SART3: variants seen among roughly 807,000 people sequenced by gnomAD.
The protein encoded by SART3 is spliceosome associated factor 3, U4/U6 recycling protein.
A neutral mutation model predicts 122.3 loss-of-function variants in SART3; 44 were observed. The observed-to-expected ratio is 0.36, with a 90% CI of 0.28 to 0.46. SART3 has a LOEUF of 0.46. Ranked by LOEUF, SART3 falls within the 20% of genes least tolerant of loss-of-function variation. SART3 has a pLI of 1.00. For synonymous variants in SART3, 442 were observed against 454.0 expected, an observed-to-expected ratio of 0.97 and a Z score of 0.34; for missense variants, 1,101 against 1,229.0, an observed-to-expected ratio of 0.90 and a Z score of 1.56.
In SART3 at chr12:108,526,471, G is replaced by C. The variant is rs370588996; in HGVS notation, c.1998C>G (p.Pro666=). ...CATCTACGGCAGCACATTTCCCAGC[G>C]GGCCCTGCTGCTACTTCTACATTTT... The part of the protein sequence containing the change: ...ETQNVEVAAG[P]AGKCAAVDVE... The change falls in exon 16 of 19, where the codon CCC becomes CCG. Residue 666 remains proline, a synonymous_variant. Transcript: ENST00000546815. The C allele has an allele frequency of 1.2e-6, 2 of 1,614,170 alleles. No individual in the cohort carries two copies. The highest frequency in any genetic ancestry group is 1.7e-4 in the Middle Eastern group (1 of 6,060).
At chr12:108,535,510 G>C (rs1872865726) in intron 11 of SART3, 42 bp from the exon 12 acceptor site, 3 of 1,481,746 alleles carry the variant, frequency 2.0e-6, no homozygotes, top group Non-Finnish European at 2.8e-6. Context: ...TGAACCTTAT[G>C]ACGTCGACAC....
chr12:108,530,377 G>T, intron 14 of SART3, 67 bp from the exon 15 acceptor site: 1 of 1,554,744 alleles, frequency 6.4e-7, no homozygotes, highest in Non-Finnish European at 8.8e-7. Flanking sequence ...GATTTGTCAT[G>T]AAAGGGGAGA....
At chr12:108,546,039 G>GAACAGAATAACAGTTTC (rs1873402025) in intron 3 of SART3, among the ~76,000 whole-genome samples, 1 of 149,406 alleles carries the variant, frequency 6.7e-6, no homozygotes, top group Non-Finnish European at 1.5e-5. Flanking sequence ...TCATTATTCA[G>GAACAGAATAACAGTTTC]ATTATAAACC....
intron 6 of SART3, among the ~76,000 whole-genome samples, chr12:108,540,486 A>G (rs1270341609): frequency 1.3e-5 from 2 of 152,314 alleles, no homozygotes; most frequent in East Asian, 3.9e-4. Flanking sequence ...AAGACAAGAT[A>G]TAAGTAGCAG....
chr12:108,525,695 A>G lies in SART3; in HGVS notation c.2371-86T>C. The G allele has an allele frequency of 8.6e-6, 12 of 1,397,462 alleles. No homozygotes were observed. In the South Asian group the frequency reaches 1.4e-4, roughly 16 times the overall value. The allele number at this position is 1,397,462 out of a possible 1,614,324, so 86.6% of individuals were successfully genotyped here. On this transcript the variant is annotated intron_variant, in intron 16 of 18. Coordinates refer to ENST00000546815, the MANE Select transcript of SART3 (RefSeq NM_014706.4). ...CTCCTCTGACACCAGCCTTGTCCCC[A>G]TGAGCAGCCCAGCCAGGCAGACTAG...
At chr12:108,556,424 G>C (rs2030222345) in intron 1 of SART3, among the ~76,000 whole-genome samples, 1 of 152,168 alleles carries the variant, frequency 6.6e-6, no homozygotes, top group African/African-American at 2.4e-5. Flanking sequence ...GATGTGAACT[G>C]CTTTGTATTT....
intron 12 of SART3, among the ~76,000 whole-genome samples, chr12:108,534,314 A>C (rs1872807660): frequency 6.6e-6 from 1 of 152,166 alleles, no homozygotes; most frequent in Non-Finnish European, 1.5e-5. Context: ...GAGACCAAAA[A>C]AATTGTGAAC....
In SART3 at chr12:108,535,394, G is replaced by C; in HGVS notation, c.1521C>G (p.Tyr507Ter). 6.2e-7 allele frequency: 1 copy of C among 1,613,964 alleles called. No individual in the cohort carries two copies. ...TGTAATACTCTAGCCACATGTTGGC[G>C]TACTTGGCATTTCCTCTGGTCATGA... ...DSIMTRGNAK[Y>*]ANMWLEYYNL... Residue 507 changes from tyrosine to a stop codon, truncating the protein, a stop_gained, in exon 12 of 19, where the codon TAC becomes TAG. Coordinates refer to ENST00000546815, the MANE Select transcript of SART3 (RefSeq NM_014706.4). LOFTEE classifies it high-confidence loss of function.
intron 12 of SART3, among the ~76,000 whole-genome samples, chr12:108,534,238 A>T (rs1872802771): frequency 6.6e-6 from 1 of 152,218 alleles, no homozygotes; most frequent in African/African-American, 2.4e-5. Flanking sequence ...AAATATCAAT[A>T]GATATAACTC....
intron 11 of SART3, 81 bp from the exon 12 acceptor site, chr12:108,535,549 C>T (rs1032532747): frequency 2.6e-6 from 3 of 1,152,286 alleles, no homozygotes; most frequent in South Asian, 2.5e-5. Flanking sequence ...CCAACAGACA[C>T]ACATAAAAAG....
chr12:108,539,282 A>G lies in SART3; in HGVS notation c.907-193T>C, dbSNP rs766026505. ...GTCTTCTCATCTGGTCCAAAGTGCC[A>G]GTTCATGGCAGTCGCTACAAAGGCT... is the stretch of plus-strand genomic sequence containing the variant. On this transcript the variant is annotated intron_variant, in intron 6 of 18. Transcript: ENST00000546815. Among the ~76,000 whole-genome samples, 27 of 152,240 alleles carry G rather than the reference A, an allele frequency of 1.8e-4. 1 individual carries two copies. Among genetic ancestry groups the G allele is most frequent in the Non-Finnish European group, 3.5e-4 (24 of 68,042 alleles).
At chr12:108,544,698 T>C (rs1457503204) in intron 4 of SART3, 7 of 667,892 alleles carry the variant, frequency 1.0e-5, no homozygotes, top group Admixed American at 6.9e-5. Flanking sequence ...CCTGAGTAGC[T>C]AGGACCACAG....
At chr12:108,545,390 C>T in intron 3 of SART3, 67 bp from the exon 4 acceptor site, 1 of 1,513,150 alleles carries the variant, frequency 6.6e-7, no homozygotes, top group Non-Finnish European at 9.2e-7. Flanking sequence ...TGATGCATAA[C>T]AAACGAAATG....
intron 12 of SART3, 182 bp from the exon 13 acceptor site, chr12:108,532,516 A>G (rs1408583507): frequency 1.7e-6 from 1 of 582,836 alleles, no homozygotes; most frequent in East Asian, 3.1e-5. Flanking sequence ...TCACCTACGA[A>G]GTATTTCCCT....
chr12:108,549,038 G>T (rs952988047), intron 2 of SART3, 50 bp downstream of exon 2: 1 of 1,613,250 alleles, frequency 6.2e-7, no homozygotes, highest in Non-Finnish European at 8.5e-7. Flanking sequence ...TGTAAAAAAT[G>T]TGCAAGCCTT....
At chr12:108,557,215 T>G (rs1329610524) in intron 1 of SART3, among the ~76,000 whole-genome samples, 4 of 143,202 alleles carry the variant, frequency 2.8e-5, no homozygotes, top group South Asian at 2.3e-4. Context: ...AGTTTTTTTT[T>G]TTTTTTTTTT....
chr12:108,533,029 A>AT (rs1324768113), intron 12 of SART3, among the ~76,000 whole-genome samples: 6 of 152,242 alleles, frequency 3.9e-5, no homozygotes, highest in African/African-American at 1.4e-4. Context: ...TCTGCTAATC[A>AT]TAACTGTTAT....
Position 108,536,458 on chromosome 12 carries a change from T to G in SART3, c.1446+56A>C, listed in dbSNP as rs1593238858. ...TGACTCAATTTTAATTAAAGTTTAA[T>G]AGGATGCTATTAAACAATGATGGAT... On this transcript the variant is annotated intron_variant, in intron 11 of 18. Coordinates refer to ENST00000546815, the MANE Select transcript of SART3 (RefSeq NM_014706.4). 7 of 1,533,546 alleles carry G rather than the reference T, an allele frequency of 4.6e-6. No individual in the cohort carries two copies. In the East Asian group the frequency reaches 1.6e-4, roughly 34 times the overall value. The allele number at this position is 1,533,546 out of a possible 1,614,324, so 95.0% of individuals were successfully genotyped here.
chr12:108,537,196 C>T, intron 9 of SART3: 1 of 445,584 alleles, frequency 2.2e-6, no homozygotes, highest in Non-Finnish European at 4.1e-6. Flanking sequence ...TAAAACACAG[C>T]AGACTTATTT....
Sources: allele counts gnomAD v4.1 joint callset (sites outside exome capture counted in the v4.1 genomes callset), GRCh38; gene constraint gnomAD v4.1.1; transcripts MANE v1.5; gene names NCBI Gene and HGNC (gene_info 2026-07-23, HGNC 2026-07-21).